The following DAB2IP variants were observed in gnomAD, a reference collection of about 807,000 sequenced individuals.
DAB2IP encodes the protein DAB2 interacting protein.
In DAB2IP, 28 loss-of-function variants were observed where a neutral mutation model predicts 107.2. That is an observed-to-expected ratio of 0.26 (90% confidence interval 0.19 to 0.36). DAB2IP has a LOEUF of 0.36. Among genes scored for constraint, DAB2IP ranks in the 10% least tolerant of loss-of-function variants. The pLI, the probability that DAB2IP is intolerant of heterozygous loss-of-function variation, is 1.00. For missense variants in DAB2IP, 1,400 were observed against 1,644.7 expected, an observed-to-expected ratio of 0.85 and a Z score of 2.57; for synonymous variants, 755 against 706.4, an observed-to-expected ratio of 1.07 and a Z score of -1.09.
At chr9:121,653,224 A>AAGACCTGG (rs1564135886) in intron 1 of DAB2IP, among the ~76,000 whole-genome samples, 8 of 121,768 alleles carry the variant, frequency 6.6e-5, no homozygotes, top group Admixed American at 1.6e-4. Context: ...GGGAGTACTA[A>AAGACCTGG]GCCTTTAGTA....
At position 121,782,277 on chromosome 9, in the gene DAB2IP, A is replaced by C. The variant is rs1588026228; in HGVS notation, c.3403-54A>C. 1 of 1,578,720 alleles carries C rather than the reference A, an allele frequency of 6.3e-7. No individual in the cohort carries two copies. Among genetic ancestry groups the C allele is most frequent in the South Asian group, 1.2e-5 (1 of 86,624 alleles). On this transcript the variant is annotated intron_variant, in intron 15 of 15. Coordinates refer to ENST00000408936, the Ensembl canonical transcript of DAB2IP. The surrounding 1 kb of genome is among the most constrained non-coding windows in gnomAD (Gnocchi z 6.1). ...TCCCCGATGCTTGTCGTAGGTATAC[A>C]CAGCCCTAAGGAGCCTGTCCCATGA...
Position 121,698,908 on chromosome 9 carries a change from G to C in DAB2IP, c.229-417G>C, listed in dbSNP as rs150103557. Among the ~76,000 whole-genome samples, 7,808 of 152,168 alleles carry C rather than the reference G, an allele frequency of 0.051. 441 individuals carry two copies. Among genetic ancestry groups the C allele is most frequent in the African/African-American group, 0.13 (5,426 of 41,524 alleles). ...GACCTCGCACGGGGAGGACAAGCTC[G>C]GAGGCGGCAGGGAGGTGAGCGGGGC... On this transcript the variant is annotated intron_variant, in intron 2 of 15. Coordinates refer to ENST00000408936, the Ensembl canonical transcript of DAB2IP. This position sits in a 1 kb window ranked among gnomAD's most constrained non-coding sequence, Gnocchi z 4.1.
intron 3 of DAB2IP, among the ~76,000 whole-genome samples, chr9:121,715,535 A>G (rs911849433): frequency 1.3e-5 from 2 of 151,426 alleles, no homozygotes; most frequent in Non-Finnish European, 1.5e-5. Flanking sequence ...TTGTATTTTT[A>G]GTACAGACAG....
rs563462087 is a variant in DAB2IP at position 121,701,429 on chromosome 9, G to C, written c.362+1971G>C. On this transcript the variant is annotated intron_variant, in intron 3 of 15. Transcript: ENST00000408936. This position sits in a 1 kb window ranked among gnomAD's most constrained non-coding sequence, Gnocchi z 4.7. Reference sequence around the variant, plus strand: ...ACAAGCCTGTTTCTGGAAACAGTAGGAAACGGTAGCGGTTGGAGCAGAATG... The same window carrying C: ...ACAAGCCTGTTTCTGGAAACAGTAGCAAACGGTAGCGGTTGGAGCAGAATG... Among the ~76,000 whole-genome samples, 4 of 152,344 alleles carry C rather than the reference G, an allele frequency of 2.6e-5. No homozygotes were observed. In the East Asian group the frequency reaches 7.7e-4, roughly 29 times the overall value.
intron 1 of DAB2IP, among the ~76,000 whole-genome samples, chr9:121,583,049 A>G (rs1367391820): frequency 6.6e-6 from 1 of 152,226 alleles, no homozygotes; most frequent in African/African-American, 2.4e-5. Context: ...AAGGGGAAGG[A>G]GAAGGAGCCA....
In DAB2IP at chr9:121,769,156, T is replaced by A. The variant is rs1045192075; in HGVS notation, c.1899+523T>A. On this transcript the variant is annotated intron_variant, in intron 10 of 15. Transcript: ENST00000408936. Reference sequence around the variant, plus strand: ...CTCAGCCCACACAGTGAGCAACTAGTTCTTGGACTTAAGGGCTGGGTCTAC... The same window carrying A: ...CTCAGCCCACACAGTGAGCAACTAGATCTTGGACTTAAGGGCTGGGTCTAC... 3.3e-5 allele frequency among the ~76,000 whole-genome samples: 5 copies of A among 152,238 alleles called. No individual in the cohort carries two copies. The South Asian group carries it at 1.0e-3, about 32-fold the overall frequency.
chr9:121,685,162 C>T (rs1244848278), intron 2 of DAB2IP, among the ~76,000 whole-genome samples: 2 of 152,252 alleles, frequency 1.3e-5, no homozygotes, highest in Non-Finnish European at 2.9e-5. Flanking sequence ...CTCACTCCCT[C>T]CATCCCTGCC....
chr9:121,577,191 T>C (rs73544250), intron 1 of DAB2IP, among the ~76,000 whole-genome samples: 4,385 of 152,104 alleles, frequency 0.029, 208 homozygotes, highest in African/African-American at 0.095. Context: ...GCCCTGCCCC[T>C]TCCCCTGGAC....
At chr9:121,751,475 G>A (rs1833115923) in intron 3 of DAB2IP, 1 of 152,560 alleles carries the variant, frequency 6.6e-6, no homozygotes, top group African/African-American at 2.4e-5. Context: ...CCACTTTGTG[G>A]TGGTGACATT....
At chr9:121,609,492 C>T (rs1454938460) in intron 1 of DAB2IP, among the ~76,000 whole-genome samples, 2 of 152,232 alleles carry the variant, frequency 1.3e-5, no homozygotes, top group Admixed American at 1.3e-4. Flanking sequence ...CTCCCAACTT[C>T]TCCAGGCATC....
intron 1 of DAB2IP, among the ~76,000 whole-genome samples, chr9:121,572,184 C>T (rs1829960066): frequency 6.6e-6 from 1 of 152,116 alleles, no homozygotes; most frequent in Non-Finnish European, 1.5e-5. Flanking sequence ...TGGAGTCCTG[C>T]TATTTCTCCA....
chr9:121,580,341 T>C (rs1830163566), intron 1 of DAB2IP, among the ~76,000 whole-genome samples: 2 of 152,160 alleles, frequency 1.3e-5, no homozygotes, highest in African/African-American at 4.8e-5. Context: ...TGGAGAGACC[T>C]CTAGGGGTAG....
Position 121,622,170 on chromosome 9 carries a change from A to G in DAB2IP, c.40+54942A>G, listed in dbSNP as rs375455940. Among the ~76,000 whole-genome samples the G allele has an allele frequency of 7.8e-4, 117 of 150,574 alleles. 1 individual carries two copies. The highest frequency in any genetic ancestry group is 2.7e-3 in the African/African-American group (112 of 40,924). On this transcript the variant is annotated intron_variant, in intron 1 of 16. Transcript: ENST00000259371. ...CGCTCGGCTAATTTTTTGTATTTTT[A>G]GCAGAGATGGAGTTTCACCGTGTTG...
intron 3 of DAB2IP, among the ~76,000 whole-genome samples, chr9:121,738,117 G>A (rs1371068159): frequency 1.3e-5 from 2 of 152,196 alleles, no homozygotes; most frequent in African/African-American, 2.4e-5. Flanking sequence ...GGGGCACCTG[G>A]AAGGTGGGTG....
intron 1 of DAB2IP, among the ~76,000 whole-genome samples, chr9:121,674,017 G>A (rs998464677): frequency 2.6e-5 from 4 of 152,220 alleles, no homozygotes; most frequent in Non-Finnish European, 5.9e-5. Flanking sequence ...TTATGAAGGC[G>A]TGGGCAGGCC....
At chr9:121,746,666 G>A (rs556962212) in intron 3 of DAB2IP, among the ~76,000 whole-genome samples, 3 of 152,220 alleles carry the variant, frequency 2.0e-5, no homozygotes, top group Admixed American at 1.3e-4. Context: ...TTCTAGGGGG[G>A]GCCCAGCATG....
At position 121,708,426 on chromosome 9, in the gene DAB2IP, G is replaced by C; in HGVS notation, c.362+8968G>C. Reference sequence around the variant, plus strand: ...AGAGAAGTAGCAGTAGCCCCCTTCTGTGCTTGCACTAGGCTCCCATTGTGA... The same window carrying C: ...AGAGAAGTAGCAGTAGCCCCCTTCTCTGCTTGCACTAGGCTCCCATTGTGA... On this transcript the variant is annotated intron_variant, in intron 3 of 15. Transcript: ENST00000408936. Among the ~76,000 whole-genome samples, 3 of 152,346 alleles carry C rather than the reference G, an allele frequency of 2.0e-5. No individual in the cohort carries two copies. The South Asian group carries it at 6.2e-4, about 32-fold the overall frequency.
chr9:121,578,577 C>T (rs1159831871), intron 1 of DAB2IP, among the ~76,000 whole-genome samples: 7 of 151,942 alleles, frequency 4.6e-5, no homozygotes, highest in African/African-American at 1.7e-4. Context: ...CAACCTTGGT[C>T]CCTGGGCTCT....
intron 1 of DAB2IP, among the ~76,000 whole-genome samples, chr9:121,659,756 T>G (rs945166881): frequency 2.0e-5 from 3 of 151,942 alleles, no homozygotes; most frequent in Non-Finnish European, 4.4e-5. Flanking sequence ...ATCGCGCCAC[T>G]GCACTCCAGC....
Sources: allele counts gnomAD v4.1 joint callset (sites outside exome capture counted in the v4.1 genomes callset), GRCh38; gene constraint gnomAD v4.1.1; non-coding constraint Gnocchi (gnomAD v3.1); transcripts MANE v1.5; gene names NCBI Gene and HGNC (gene_info 2026-07-23, HGNC 2026-07-21).